The following AIFM3 variants were observed in gnomAD, a reference collection of about 807,000 sequenced individuals.
AIFM3 encodes the protein AIF family member 3, also known as apoptosis-inducing factor 3.
In AIFM3, 71 loss-of-function variants were observed where a neutral mutation model predicts 82.7. The ratio of observed to expected loss-of-function variants is 0.86; its 90% confidence interval spans 0.71 to 1.05. The LOEUF (loss-of-function observed/expected upper bound fraction) is 1.05, where lower values mean the gene tolerates loss of function less well. AIFM3 is among the 50% of genes least tolerant of loss of function. The pLI is 0.00. For missense variants in AIFM3, 748 were observed against 816.7 expected (o/e 0.92, Z 1.03); for synonymous variants, 337 against 329.1 (o/e 1.02, Z -0.26).
At position 20,978,153 on chromosome 22, in the gene AIFM3, C is replaced by T. The variant is rs947910883; in HGVS notation, c.1477+148C>T. On this transcript the variant is annotated intron_variant, in intron 16 of 20. Transcript: ENST00000440238. Reference sequence around the variant, plus strand: ...GTGGATTCTCTGGCCAGCCTCATCTCGGCGATCCAGCCAACACAGAGAGCG... The same window carrying T: ...GTGGATTCTCTGGCCAGCCTCATCTTGGCGATCCAGCCAACACAGAGAGCG... 1.2e-5 allele frequency: 9 copies of T among 744,598 alleles called. No individual in the cohort carries two copies. In the East Asian group the frequency reaches 1.4e-4, roughly 11 times the overall value. The allele number at this position is 744,598 out of a possible 1,614,324, so 46.1% of individuals were successfully genotyped here. A position where few individuals can be genotyped will look rare whatever the true frequency, so the allele number is the denominator to read the frequency against.
In AIFM3 at chr22:20,977,946, T is replaced by C; in HGVS notation, c.1418T>C (p.Leu473Pro). The change falls in exon 16 of 21, where the codon CTT (leucine) becomes CCT (proline). Residue 473 changes from leucine (L) to proline (P), a missense_variant. Transcript: ENST00000440238. ...GCTGGCGATGCTGTCACCTTCCCCCTTGCCTGGAGGAACAACCGCAAAGTG... is the reference window on the plus strand; with the variant it reads ...GCTGGCGATGCTGTCACCTTCCCCCCTGCCTGGAGGAACAACCGCAAAGTG... ...FAAGDAVTFP[L>P]AWRNNRKVNI... 6.2e-7 allele frequency: 1 copy of C among 1,614,152 alleles called. No homozygotes were observed. The highest frequency in any genetic ancestry group is 8.5e-7 in the Non-Finnish European group (1 of 1,180,026).
At chr22:20,975,087 C>T (rs531276845) in intron 8 of AIFM3, among the ~76,000 whole-genome samples, 8 of 152,156 alleles carry the variant, frequency 5.3e-5, no homozygotes, top group East Asian at 3.9e-4. Flanking sequence ...TTCAGCCTTC[C>T]GAGTAGCTGG....
At chr22:20,972,061 C>G (rs1287708489) in intron 2 of AIFM3, among the ~76,000 whole-genome samples, 1 of 152,150 alleles carries the variant, frequency 6.6e-6, no homozygotes, top group Non-Finnish European at 1.5e-5. Flanking sequence ...AAACCCAGCA[C>G]CTGGTTAGTG....
At position 20,979,260 on chromosome 22, in the gene AIFM3, G is replaced by C. The variant is rs1416232000; in HGVS notation, c.1478-11G>C. The C allele has an allele frequency of 1.3e-6, 2 of 1,552,886 alleles. No homozygotes were observed. The highest frequency in any genetic ancestry group is 4.9e-5 in the East Asian group (2 of 41,070). The stretch of plus-strand genomic sequence containing the variant: ...CGAGAGTTAGGGTTCTCACGGCCCT[G>C]GGTCCCGCAGGGCGCGTGGCAGCCC... On this transcript the variant is annotated splice_polypyrimidine_tract_variant and intron_variant, in intron 16 of 20. Transcript: ENST00000440238.
At chr22:20,974,025 C>A (rs747033888) in intron 4 of AIFM3, 38 bp from the exon 5 acceptor site, 1 of 1,564,102 alleles carries the variant, frequency 6.4e-7, no homozygotes. Context: ...GGAAGCAACC[C>A]CTGCTGGTGG....
intron 16 of AIFM3, among the ~76,000 whole-genome samples, chr22:20,978,249 T>G (rs1263510750): frequency 2.1e-5 from 3 of 145,456 alleles, no homozygotes. Flanking sequence ...TTTTTTGTCT[T>G]CAAGGACATA....
Position 20,973,765 on chromosome 22 carries a change from G to A in AIFM3, c.253G>A (p.Glu85Lys). ...VKDLENGQMR[E>K]VELGWGKVLL... is the part of the protein sequence containing the mutation. ...AGTGCTGCGGTTCCCCAGGATGCGG[G>A]AAGTGGAGCTGGGCTGGGGGAAGGT... Residue 85 changes from glutamate (E) to lysine (K), a missense_variant, in exon 4 of 21, where the codon GAA becomes AAA. Transcript: ENST00000440238. The A allele has an allele frequency of 5.8e-6, 9 of 1,562,828 alleles. No individual in the cohort carries two copies. Among genetic ancestry groups the A allele is most frequent in the Non-Finnish European group, 7.8e-6 (9 of 1,154,320 alleles).
At chr22:20,967,776 G>T (rs1313188227) in intron 1 of AIFM3, 29 bp from the exon 2 acceptor site, 3 of 675,332 alleles carry the variant, frequency 4.4e-6, no homozygotes, top group Non-Finnish European at 7.9e-6. Flanking sequence ...CACACGCCCC[G>T]GTCCTGATGG....
chr22:20,977,686 T>G lies in AIFM3; in HGVS notation c.1283-14T>G, dbSNP rs867962036. ...CAGGGACAGGGGAGTGGACACAGGC[T>G]TCCGTCCTGTCAGGTGCAGTGCCCG... On this transcript the variant is annotated splice_polypyrimidine_tract_variant and intron_variant, in intron 14 of 20. Coordinates refer to ENST00000440238, the MANE Select transcript of AIFM3 (RefSeq NM_001386814.1). 6 of 1,613,612 alleles carry G rather than the reference T, an allele frequency of 3.7e-6. No individual in the cohort carries two copies. The Middle Eastern group carries it at 9.9e-4, about 266-fold the overall frequency.
Position 20,976,721 on chromosome 22 carries a change from C to G in AIFM3, c.1101C>G (p.Pro367=). The change falls in exon 12 of 21, where the codon CCC becomes CCG. Residue 367 remains proline, a synonymous_variant. Coordinates refer to ENST00000440238, the MANE Select transcript of AIFM3 (RefSeq NM_001386814.1). ...CTGTGGTGGAGCTGGAGGAGACGCC[C>G]TTCAGGAGGTTCCTGGGGGAGCGCG... ...SVSVVELEET[P]FRRFLGERVG... 3 of 1,609,798 alleles carry G rather than the reference C, an allele frequency of 1.9e-6. No homozygotes were observed. Among genetic ancestry groups the G allele is most frequent in the Middle Eastern group, 3.3e-4 (2 of 6,056 alleles).
intron 17 of AIFM3, 107 bp downstream of exon 17, chr22:20,979,476 A>C: frequency 6.8e-7 from 1 of 1,471,718 alleles, no homozygotes; most frequent in Middle Eastern, 2.4e-4. Flanking sequence ...CCGCACTAGG[A>C]AGAGGCCGGT....
intron 14 of AIFM3, 141 bp from the exon 15 acceptor site, chr22:20,977,559 C>G (rs1459525976): frequency 2.0e-6 from 2 of 975,714 alleles, no homozygotes; most frequent in Non-Finnish European, 3.1e-6. Context: ...TAGTGGGGAC[C>G]AGGGTGCATG....
At position 20,976,484 on chromosome 22, in the gene AIFM3, G is replaced by A. The variant is rs772592484; in HGVS notation, c.976G>A (p.Val326Met). ...TIRTPEDANRVVRLARGRNVV... is the reference protein window; with the variant it reads ...TIRTPEDANRMVRLARGRNVV... ...CCGGACGCCAGAGGATGCCAATCGCGTGGTGAGGCTGGCCCGAGGCCGCAA... is the reference window on the plus strand; with the variant it reads ...CCGGACGCCAGAGGATGCCAATCGCATGGTGAGGCTGGCCCGAGGCCGCAA... The change falls in exon 11 of 21, where the codon GTG (valine) becomes ATG (methionine). Residue 326 changes from valine to methionine, a missense_variant. Around this residue, in one of 5 missense-constraint regions of AIFM3, gnomAD observed 393 missense variants for 481.1 expected, o/e 0.82. Transcript: ENST00000440238. 68 of 1,613,922 alleles carry A rather than the reference G, an allele frequency of 4.2e-5. No individual in the cohort carries two copies. Among genetic ancestry groups the A allele is most frequent in the South Asian group, 2.4e-4 (22 of 91,086 alleles).
In AIFM3 at chr22:20,977,652, C is replaced by T. The variant is rs774716900; in HGVS notation, c.1283-48C>T. 29 of 1,609,962 alleles carry T rather than the reference C, an allele frequency of 1.8e-5. No homozygotes were observed. The East Asian group carries it at 3.8e-4, about 21-fold the overall frequency. ...TGCTGTAGGGTGTGGAGAGTGACTACGCAGAAGGCAGGGACAGGGGAGTGG... is the reference window on the plus strand; with the variant it reads ...TGCTGTAGGGTGTGGAGAGTGACTATGCAGAAGGCAGGGACAGGGGAGTGG... On this transcript the variant is annotated intron_variant, in intron 14 of 20. Transcript: ENST00000440238.
chr22:20,979,681 A>G lies in AIFM3; in HGVS notation c.1631A>G (p.Lys544Arg). ...VIIQGDLEEL[K>R]FVAFYTKGDE... is the part of the protein sequence containing the mutation. ...ATCCAGGGGGATCTGGAGGAGCTGAAGTTTGTGGCTTTTTACACTAAGTGA... is the reference window on the plus strand; with the variant it reads ...ATCCAGGGGGATCTGGAGGAGCTGAGGTTTGTGGCTTTTTACACTAAGTGA... The change falls in exon 18 of 21, where the codon AAG becomes AGG. Residue 544 changes from lysine (K) to arginine (R), a missense_variant. Lys to Arg is a conservative substitution (Grantham distance 26, BLOSUM62 2). Transcript: ENST00000440238. 1 of 1,614,178 alleles carries G rather than the reference A, an allele frequency of 6.2e-7. No individual in the cohort carries two copies. The highest frequency in any genetic ancestry group is 8.5e-7 in the Non-Finnish European group (1 of 1,180,026).
chr22:20,973,584 A>G, intron 3 of AIFM3, 64 bp downstream of exon 3: 2 of 1,513,204 alleles, frequency 1.3e-6, no homozygotes, highest in East Asian at 2.4e-5. Flanking sequence ...TGAGGGGGCC[A>G]TAGCCGGGGG....
At chr22:20,974,994 A>T (rs768175015) in intron 8 of AIFM3, among the ~76,000 whole-genome samples, 178 bp downstream of exon 8, 1 of 152,014 alleles carries the variant, frequency 6.6e-6, no homozygotes, top group East Asian at 1.9e-4. Context: ...ACAGGGTCTC[A>T]CTCTGTCGCC....
chr22:20,979,642 T>A lies in AIFM3; in HGVS notation c.1592T>A (p.Phe531Tyr). The change falls in exon 18 of 21, where the codon TTC becomes TAC. Residue 531 changes from phenylalanine (F) to tyrosine (Y), a missense_variant. Physicochemically the swap from Phe to Tyr is conservative, Grantham distance 22. Coordinates refer to ENST00000440238, the MANE Select transcript of AIFM3 (RefSeq NM_001386814.1). Reference sequence around the variant, plus strand: ...CGGCCCACAGGCTACGGAGAAGGCTTCGACGACGTCATCATCCAGGGGGAT... The same window carrying A: ...CGGCCCACAGGCTACGGAGAAGGCTACGACGACGTCATCATCCAGGGGGAT... ...SLRYAGYGEG[F>Y]DDVIIQGDLE... is the part of the protein sequence containing the mutation. 1 of 1,614,212 alleles carries A rather than the reference T, an allele frequency of 6.2e-7. No individual in the cohort carries two copies. The highest frequency in any genetic ancestry group is 8.5e-7 in the Non-Finnish European group (1 of 1,180,034).
chr22:20,969,179 G>C (rs1038989626), intron 2 of AIFM3, among the ~76,000 whole-genome samples: 3 of 152,232 alleles, frequency 2.0e-5, no homozygotes, highest in African/African-American at 7.2e-5. Context: ...CCTGGCAGAA[G>C]ATGCCACCTG....
Sources: allele counts gnomAD v4.1 joint callset (sites outside exome capture counted in the v4.1 genomes callset), GRCh38; gene constraint gnomAD v4.1.1; regional missense constraint gnomAD v4.1.1; transcripts MANE v1.5; gene names NCBI Gene and HGNC (gene_info 2026-07-23, HGNC 2026-07-21).